Variants in ACTMAP observed in about 807,000 individuals in gnomAD.
ACTMAP encodes the protein actin maturation protease.
chr19:40,741,610 G>C, the ACTMAP span: 1 of 404,608 alleles, frequency 2.5e-6, no homozygotes, highest in Non-Finnish European at 5.0e-6. Flanking sequence ...AAGTGGACAG[G>C]AAAGTTTGTG....
chr19:40,742,142 C>T, the ACTMAP span: 1 of 601,328 alleles, frequency 1.7e-6, no homozygotes, highest in Non-Finnish European at 3.1e-6. Flanking sequence ...AGCAGAGGGC[C>T]CAGGCAGGAG....
chr19:40,745,541 C>G, the ACTMAP span, among the ~76,000 whole-genome samples: 1 of 152,304 alleles, frequency 6.6e-6, no homozygotes, highest in African/African-American at 2.4e-5. Context: ...CTCTGTTGCC[C>G]AGGATGGAAT....
the ACTMAP span, among the ~76,000 whole-genome samples, chr19:40,748,482 C>G: frequency 1.3e-5 from 2 of 152,268 alleles, no homozygotes; most frequent in African/African-American, 4.8e-5. Flanking sequence ...AGCCTCAGGG[C>G]CCCAGCCTAG....
the ACTMAP span, chr19:40,744,669 G>A: frequency 6.2e-7 from 1 of 1,611,422 alleles, no homozygotes; most frequent in Non-Finnish European, 8.5e-7. Context: ...CATCCACAAG[G>A]CCACCAGCCC....
the ACTMAP span, chr19:40,742,274 C>T: frequency 1.7e-5 from 13 of 778,538 alleles, no homozygotes; most frequent in Admixed American, 4.2e-5. Context: ...CCTAGAGGGA[C>T]CAGCTGGTGC....
chr19:40,748,984 CTTTTTTTTTTTTT>C, the ACTMAP span, among the ~76,000 whole-genome samples: 93 of 102,558 alleles, frequency 9.1e-4, no homozygotes, highest in African/African-American at 1.5e-3. Context: ...GGCATTTGCT[CTTTTTTTTTTTTT>C]TTTTTTTTTT....
the ACTMAP span, chr19:40,744,613 G>A: frequency 6.2e-7 from 1 of 1,613,874 alleles, no homozygotes; most frequent in South Asian, 1.1e-5. Context: ...ACCCGTATGA[G>A]TCTCTCCAGG....
the ACTMAP span, chr19:40,742,494 C>T: frequency 2.0e-6 from 3 of 1,509,640 alleles, no homozygotes; most frequent in Non-Finnish European, 2.7e-6. Context: ...AGCCCGTACC[C>T]CACCCACGGG....
the ACTMAP span, chr19:40,744,423 C>G: frequency 6.9e-7 from 1 of 1,456,966 alleles, no homozygotes; most frequent in East Asian, 2.5e-5. Flanking sequence ...CTTGTAACCT[C>G]TCTGCTCTAC....
chr19:40,750,154 G>A, the ACTMAP span: 4 of 194,932 alleles, frequency 2.1e-5, no homozygotes, highest in African/African-American at 9.4e-5. Flanking sequence ...GTGAGTTTGG[G>A]ATATGAAGGC....
At chr19:40,749,736 G>T in the ACTMAP span, 1 of 1,506,036 alleles carries the variant, frequency 6.6e-7, no homozygotes, top group Admixed American at 2.6e-5. Context: ...AATGCTGCTG[G>T]CTTGGGGTAC....
At chr19:40,744,129 C>T in the ACTMAP span, 5 of 1,612,684 alleles carry the variant, frequency 3.1e-6, no homozygotes, top group South Asian at 5.5e-5. Flanking sequence ...TGGGACCGCC[C>T]AGGCCACCAG....
At chr19:40,742,438 G>A in the ACTMAP span, 18 of 1,457,942 alleles carry the variant, frequency 1.2e-5, no homozygotes, top group Non-Finnish European at 1.4e-5. Flanking sequence ...CGCAGCTAAT[G>A]GCTGCAGTCC....
At chr19:40,741,251 G>T in the ACTMAP span, 1 of 347,144 alleles carries the variant, frequency 2.9e-6, no homozygotes, top group Admixed American at 4.6e-5. Context: ...AGACCAGCCT[G>T]GCCAACATGG....
At chr19:40,741,628 C>T in the ACTMAP span, 54 of 432,160 alleles carry the variant, frequency 1.2e-4, no homozygotes, top group African/African-American at 9.0e-4. Context: ...GTGGTCAGCA[C>T]CATAATGTTC....
the ACTMAP span, chr19:40,744,464 T>A: frequency 1.3e-6 from 2 of 1,539,932 alleles, no homozygotes; most frequent in Admixed American, 3.8e-5. Context: ...AAGAATGGAA[T>A]GAGACACCCT....
the ACTMAP span, chr19:40,749,440 AG>A: frequency 7.0e-7 from 1 of 1,421,988 alleles, no homozygotes; most frequent in Non-Finnish European, 9.6e-7. Flanking sequence ...TGAAGTGTCT[AG>A]GGCAGAGCCT....
At chr19:40,742,119 C>A in the ACTMAP span, 1 of 565,200 alleles carries the variant, frequency 1.8e-6, no homozygotes, top group Non-Finnish European at 3.4e-6. Flanking sequence ...TTCAGTGTCC[C>A]TGTCCTGTGA....
chr19:40,744,478 A>AC, the ACTMAP span: 1 of 1,563,048 alleles, frequency 6.4e-7, no homozygotes, highest in South Asian at 1.2e-5. Flanking sequence ...ACACCCTGAC[A>AC]CACGGCTGCC....
Sources: gnomAD v4.1 joint callset for allele counts (sites outside exome capture counted in the v4.1 genomes callset) on GRCh38, gnomAD v4.1.1 for gene constraint, MANE v1.5 for transcripts, NCBI Gene and HGNC (gene_info 2026-07-23, HGNC 2026-07-21) for gene names.